TMEM163: variants seen among roughly 807,000 people sequenced by gnomAD.
The protein encoded by TMEM163 is transmembrane protein 163.
A neutral mutation model predicts 29.3 loss-of-function variants in TMEM163; 17 were observed. The observed-to-expected ratio is 0.58, with a 90% CI of 0.40 to 0.87. The LOEUF is 0.87. Among genes scored for constraint, TMEM163 ranks in the 40% least tolerant of loss-of-function variants. TMEM163 has a pLI of 0.00. For synonymous variants in TMEM163, 157 were observed against 160.6 expected, an observed-to-expected ratio of 0.98 and a Z score of 0.17; for missense variants, 303 against 381.5, an observed-to-expected ratio of 0.79 and a Z score of 1.71.
chr2:134,678,008 A>G (rs889816971), intron 2 of TMEM163, among the ~76,000 whole-genome samples: 3 of 152,244 alleles, frequency 2.0e-5, no homozygotes, highest in African/African-American at 2.4e-5. Flanking sequence ...AAGGCGTGCC[A>G]GCAATGCCCA....
chr2:134,684,349 T>C (rs1411565254), intron 2 of TMEM163, among the ~76,000 whole-genome samples: 1 of 151,906 alleles, frequency 6.6e-6, no homozygotes, highest in Admixed American at 6.6e-5. Context: ...ACAGGCAAAA[T>C]GAGCCCCAGC....
chr2:134,564,773 G>T (rs904999074), intron 2 of TMEM163, among the ~76,000 whole-genome samples: 5 of 152,072 alleles, frequency 3.3e-5, no homozygotes, highest in Non-Finnish European at 5.9e-5. Flanking sequence ...GGTAACCAGG[G>T]ACAATAAAAC....
chr2:134,529,454 T>C (rs1470903881), intron 4 of TMEM163, among the ~76,000 whole-genome samples: 1 of 152,074 alleles, frequency 6.6e-6, no homozygotes, highest in Non-Finnish European at 1.5e-5. Context: ...ATACATTAAA[T>C]TGTCCAGTTT....
At chr2:134,699,806 T>C (rs1007311738) in intron 2 of TMEM163, among the ~76,000 whole-genome samples, 1 of 152,356 alleles carries the variant, frequency 6.6e-6, no homozygotes, top group Non-Finnish European at 1.5e-5. Context: ...GTTTGGTATA[T>C]GCAAATTCAC....
Position 134,680,363 on chromosome 2 carries a change from T to C in TMEM163, c.322+32837A>G, listed in dbSNP as rs560691598. 5.5e-4 allele frequency among the ~76,000 whole-genome samples: 80 copies of C among 145,140 alleles called. No individual in the cohort carries two copies. The East Asian group carries it at 0.015, about 26-fold the overall frequency. On this transcript the variant is annotated intron_variant, in intron 2 of 7. Transcript: ENST00000281924. ...ATTTAACACACAAAAATGAGACCTA[T>C]AAAAAAAAAAAGCTCTGTATGGAGG...
intron 2 of TMEM163, among the ~76,000 whole-genome samples, chr2:134,606,682 G>T (rs1019200803): frequency 2.0e-5 from 3 of 152,184 alleles, no homozygotes; most frequent in African/African-American, 7.2e-5. Flanking sequence ...TGTGGCAACC[G>T]GCCAGTGGAA....
At chr2:134,589,410 C>A (rs1046461339) in intron 2 of TMEM163, among the ~76,000 whole-genome samples, 1 of 152,126 alleles carries the variant, frequency 6.6e-6, no homozygotes, top group Non-Finnish European at 1.5e-5. Context: ...AAACAGGATG[C>A]AGTAAAGAAG....
intron 2 of TMEM163, among the ~76,000 whole-genome samples, chr2:134,605,087 G>A (rs1682321446): frequency 6.6e-6 from 1 of 150,938 alleles, no homozygotes; most frequent in Non-Finnish European, 1.5e-5. Context: ...TGAGGCAGGA[G>A]AATAGCTTGA....
At chr2:134,615,364 A>G (rs1320302693) in intron 2 of TMEM163, among the ~76,000 whole-genome samples, 1 of 152,218 alleles carries the variant, frequency 6.6e-6, no homozygotes, top group Non-Finnish European at 1.5e-5. Context: ...TATGTGGACA[A>G]TGTTCCAAAA....
intron 2 of TMEM163, among the ~76,000 whole-genome samples, chr2:134,663,360 G>C (rs73958779): frequency 0.1 from 15,802 of 152,156 alleles, 974 homozygotes; most frequent in South Asian, 0.17. Flanking sequence ...GCAAACATGC[G>C]GGACAGAATT....
intron 2 of TMEM163, among the ~76,000 whole-genome samples, chr2:134,559,946 G>C (rs1295844208): frequency 6.6e-6 from 1 of 152,084 alleles, no homozygotes. Context: ...CCTTAGGATG[G>C]AGGAAGCCTC....
chr2:134,580,986 C>T (rs1413622592), intron 2 of TMEM163, among the ~76,000 whole-genome samples: 1 of 152,074 alleles, frequency 6.6e-6, no homozygotes, highest in Non-Finnish European at 1.5e-5. Context: ...TCTCTCCAGG[C>T]GGGGCTTCAT....
At chr2:134,586,986 G>C (rs1681836554) in intron 2 of TMEM163, among the ~76,000 whole-genome samples, 1 of 152,134 alleles carries the variant, frequency 6.6e-6, no homozygotes, top group South Asian at 2.1e-4. Flanking sequence ...AATGAGAAGG[G>C]GAAACAGGGG....
intron 2 of TMEM163, among the ~76,000 whole-genome samples, chr2:134,553,282 C>T (rs546631705): frequency 6.6e-6 from 1 of 152,296 alleles, no homozygotes; most frequent in South Asian, 2.1e-4. Context: ...TATCCCTTCT[C>T]TAGGACCTGC....
At chr2:134,623,822 A>G (rs768699455) in intron 2 of TMEM163, among the ~76,000 whole-genome samples, 24 of 152,222 alleles carry the variant, frequency 1.6e-4, no homozygotes, top group Non-Finnish European at 1.0e-4. Flanking sequence ...AACAAATCTT[A>G]GAAGTTCAGT....
intron 5 of TMEM163, among the ~76,000 whole-genome samples, chr2:134,490,703 A>C (rs1012703569): frequency 6.6e-6 from 1 of 152,170 alleles, no homozygotes; most frequent in Non-Finnish European, 1.5e-5. Flanking sequence ...ACAGGCAGAA[A>C]ACTCCCAAGT....
intron 5 of TMEM163, among the ~76,000 whole-genome samples, chr2:134,499,422 C>T (rs1679652958): frequency 6.6e-6 from 1 of 152,204 alleles, no homozygotes; most frequent in Non-Finnish European, 1.5e-5. Flanking sequence ...TTTCATGAAC[C>T]ACCTGCAGGT....
intron 2 of TMEM163, among the ~76,000 whole-genome samples, chr2:134,691,616 G>T (rs1011285436): frequency 6.6e-6 from 1 of 152,128 alleles, no homozygotes; most frequent in Non-Finnish European, 1.5e-5. Context: ...CCTAGGTGCC[G>T]CCAGGCTTCT....
intron 2 of TMEM163, among the ~76,000 whole-genome samples, chr2:134,675,142 C>T (rs10928508): frequency 0.085 from 12,913 of 152,152 alleles, 612 homozygotes; most frequent in South Asian, 0.17. Context: ...TATGTATTAT[C>T]GAAAAGAAAC....
Sources: allele counts gnomAD v4.1 joint callset (sites outside exome capture counted in the v4.1 genomes callset), GRCh38; gene constraint gnomAD v4.1.1; transcripts MANE v1.5; gene names NCBI Gene and HGNC (gene_info 2026-07-23, HGNC 2026-07-21).